Variants in LAMB4 observed in about 807,000 individuals in gnomAD.
LAMB4 encodes the protein laminin subunit beta-4.
Under a neutral mutation model 199.2 loss-of-function variants are expected in LAMB4, and 196 were observed. That is an observed-to-expected ratio of 0.98 (90% CI 0.88 to 1.11). The LOEUF (loss-of-function observed/expected upper bound fraction) is 1.11. LAMB4 is among the 50% of genes least tolerant of loss of function. LAMB4 has a pLI of 0.00. For synonymous variants in LAMB4, 744 were observed against 770.6 expected (o/e 0.97, Z 0.57); for missense variants, 2,080 against 2,171.2 (o/e 0.96, Z 0.83).
At position 108,106,516 on chromosome 7, in the gene LAMB4, G is replaced by A. The variant is rs1328445037; in HGVS notation, c.648C>T (p.Tyr216=). ...SFEIENPYSP[Y]IQDLVTLTNL... The stretch of plus-strand genomic sequence containing the variant: ...ATATAAAGGAATTCATACCTTGGAT[G>A]TAGGGGCTATAAGGGTTTTCAATTT... The change falls in exon 7 of 34, where the codon TAC becomes TAT. Residue 216 remains tyrosine, a synonymous_variant. Transcript: ENST00000388781. 1 of 1,571,726 alleles carries A rather than the reference G, an allele frequency of 6.4e-7. No homozygotes were observed. Among genetic ancestry groups the A allele is most frequent in the Non-Finnish European group, 8.7e-7 (1 of 1,147,338 alleles).
Position 108,023,953 on chromosome 7 carries a change from A to T in LAMB4, c.*86T>A. The T allele has an allele frequency of 9.0e-7, 1 of 1,108,252 alleles. No homozygotes were observed. The highest frequency in any genetic ancestry group is 2.7e-5 in the Admixed American group (1 of 37,268). 68.7% of individuals were successfully genotyped at this position (1,108,252 alleles called of 1,614,324 possible). On this transcript the variant is annotated 3_prime_UTR_variant, in exon 34 of 34. Transcript: ENST00000388781. ...GGGAAGGAAGGTAGAAGACATTGTC[A>T]GTATTTCACAGGTTCAACAGAGCCC...
Position 108,115,979 on chromosome 7 carries a change from G to A in LAMB4, c.192+25C>T, listed in dbSNP as rs752524940. 6 of 1,601,552 alleles carry A rather than the reference G, an allele frequency of 3.7e-6. No individual in the cohort carries two copies. In the African/African-American group the frequency reaches 6.7e-5, roughly 18 times the overall value. ...ACATCATTGATTAAATAATGTCCCA[G>A]CAAATAAACAAAGAGCCAACCCACC... On this transcript the variant is annotated intron_variant, in intron 3 of 33. Transcript: ENST00000388781.
intron 27 of LAMB4, 115 bp from the exon 28 acceptor site, chr7:108,048,226 G>A (rs1024978050): frequency 4.1e-5 from 34 of 829,888 alleles, no homozygotes; most frequent in East Asian, 1.3e-4. Context: ...GAGCAATAGC[G>A]TGACCTTGGC....
At chr7:108,104,342 T>TG (rs2037923702) in intron 9 of LAMB4, among the ~76,000 whole-genome samples, 157 bp downstream of exon 9, 1 of 152,216 alleles carries the variant, frequency 6.6e-6, no homozygotes, top group African/African-American at 2.4e-5. Flanking sequence ...TTCTTCTATG[T>TG]GGGATAATTG....
At chr7:108,022,074 C>T (rs771402409), downstream of LAMB4, among the ~76,000 whole-genome samples, 1 of 152,162 alleles carries the variant, frequency 6.6e-6, no homozygotes, top group Non-Finnish European at 1.5e-5. Context: ...CAGCATTGGC[C>T]TCCTAACCTG....
chr7:108,119,531 A>G (rs1306852775), intron 2 of LAMB4, among the ~76,000 whole-genome samples: 1 of 152,192 alleles, frequency 6.6e-6, no homozygotes, highest in Non-Finnish European at 1.5e-5. Context: ...TGTACTGCAT[A>G]ATTCTATTTG....
chr7:108,066,471 C>G lies in LAMB4; in HGVS notation c.2576G>C (p.Ser859Thr). The change falls in exon 20 of 34, where the codon AGC (serine) becomes ACC (threonine). Residue 859 changes from serine to threonine, a missense_variant. Physicochemically the swap from Ser to Thr is moderately conservative, Grantham distance 58 (BLOSUM62 1). Coordinates refer to ENST00000388781, the MANE Select transcript of LAMB4 (RefSeq NM_007356.3). ...RCLAGYFGFP[S>T]CHPCPCNRFA... is the part of the protein sequence containing the mutation. ...CCTATTACAAGGGCAAGGGTGGCAG[C>G]TGGGAAATCCAAAGTAGCCTGCCAG... is the stretch of plus-strand genomic sequence containing the variant. 1 of 1,614,184 alleles carries G rather than the reference C, an allele frequency of 6.2e-7. No individual in the cohort carries two copies. Among genetic ancestry groups the G allele is most frequent in the Admixed American group, 1.7e-5 (1 of 60,016 alleles).
At chr7:108,040,236 A>C (rs4518595) in intron 29 of LAMB4, among the ~76,000 whole-genome samples, 1,824 of 152,272 alleles carry the variant, frequency 0.012, 37 homozygotes, top group African/African-American at 0.041. Context: ...GAGAACTACA[A>C]AACACTGCGC....
intron 11 of LAMB4, among the ~76,000 whole-genome samples, chr7:108,096,591 T>C (rs976477575): frequency 3.9e-5 from 6 of 152,072 alleles, no homozygotes; most frequent in African/African-American, 1.4e-4. Context: ...TAAAAATTAT[T>C]GAATTGTTTA....
chr7:108,082,808 C>T (rs1256938178), intron 14 of LAMB4, among the ~76,000 whole-genome samples: 2 of 152,182 alleles, frequency 1.3e-5, no homozygotes, highest in Non-Finnish European at 2.9e-5. Context: ...TCAGGGTCAT[C>T]CTCAGAGTGC....
chr7:108,060,842 G>A (rs2036135155), intron 23 of LAMB4, among the ~76,000 whole-genome samples: 2 of 152,226 alleles, frequency 1.3e-5, no homozygotes, highest in Non-Finnish European at 2.9e-5. Context: ...GAGATACTCT[G>A]TCCTCGAGGA....
At chr7:108,040,006 T>C (rs567288547) in intron 29 of LAMB4, among the ~76,000 whole-genome samples, 47 of 152,282 alleles carry the variant, frequency 3.1e-4, no homozygotes, top group African/African-American at 1.1e-3. Flanking sequence ...ATCTTATATC[T>C]AGAAAACCCC....
chr7:108,024,102 T>C lies in LAMB4; in HGVS notation c.5223A>G (p.Gln1741=). Residue 1741 remains glutamine, a synonymous_variant, in exon 34 of 34, where the codon CAA becomes CAG. Transcript: ENST00000388781. ...CAATTTCATTTTTAATGGCAACAAC[T>C]TGATCTTCCAATATTCTCAGTTGAT... ...KADQLRILED[Q]VVAIKNEIVE... is the part of the protein sequence containing the mutation. 1 of 1,607,248 alleles carries C rather than the reference T, an allele frequency of 6.2e-7. No individual in the cohort carries two copies. Among genetic ancestry groups the C allele is most frequent in the South Asian group, 1.1e-5 (1 of 90,190 alleles).
intron 5 of LAMB4, 37 bp from the exon 6 acceptor site, chr7:108,107,856 A>C (rs759403527): frequency 4.9e-5 from 70 of 1,433,428 alleles, no homozygotes; most frequent in Non-Finnish European, 6.6e-5. Context: ...CATTTCACAA[A>C]GGCAGATTTT....
intron 14 of LAMB4, among the ~76,000 whole-genome samples, chr7:108,088,192 T>A (rs944808510): frequency 1.5e-4 from 23 of 150,866 alleles, no homozygotes; most frequent in African/African-American, 4.6e-4. Flanking sequence ...GGAGAGAGTC[T>A]CCCTCTGTCA....
At chr7:108,078,811 A>T (rs1199822018) in intron 15 of LAMB4, among the ~76,000 whole-genome samples, 1 of 152,210 alleles carries the variant, frequency 6.6e-6, no homozygotes, top group Non-Finnish European at 1.5e-5. Context: ...CTTTCTTATC[A>T]TATTCACTGA....
At chr7:108,031,238 G>A (rs2035020300) in intron 31 of LAMB4, among the ~76,000 whole-genome samples, 1 of 150,660 alleles carries the variant, frequency 6.6e-6, no homozygotes, top group Admixed American at 6.6e-5. Context: ...CAGGAGGATT[G>A]CTTGAGCCCA....
At position 108,129,060 on chromosome 7, in the gene LAMB4, C is replaced by CT. The variant is rs1282132432; in HGVS notation, c.-34+1245dup. Among the ~76,000 whole-genome samples, 7 of 152,276 alleles carry CT rather than the reference C, an allele frequency of 4.6e-5. No individual in the cohort carries two copies. The South Asian group carries it at 1.5e-3, about 32-fold the overall frequency. The stretch of plus-strand genomic sequence containing the variant: ...GACTGAAAGTAACTTTCTGGCATTG[C>CT]TAATTTATTTAATTTACTGACCATT... On this transcript the variant is annotated intron_variant, in intron 1 of 33. Transcript: ENST00000388781.
chr7:108,126,992 A>G (rs959600073), intron 1 of LAMB4, among the ~76,000 whole-genome samples: 2 of 152,094 alleles, frequency 1.3e-5, no homozygotes, highest in African/African-American at 4.8e-5. Context: ...CCAGGTGTCA[A>G]TGTGTATAAA....
Sources: gnomAD v4.1 joint callset for allele counts (sites outside exome capture counted in the v4.1 genomes callset) on GRCh38, gnomAD v4.1.1 for gene constraint, MANE v1.5 for transcripts, NCBI Gene and HGNC (gene_info 2026-07-23, HGNC 2026-07-21) for gene names.